Variants in SLC1A6 observed in about 807,000 individuals in gnomAD.
SLC1A6 encodes the protein solute carrier family 1 member 6.
In SLC1A6, 15 loss-of-function variants were observed where a neutral mutation model predicts 42.1. The observed-to-expected ratio is 0.36, with a 90% CI of 0.24 to 0.55. The LOEUF (loss-of-function observed/expected upper bound fraction) is 0.55. SLC1A6 is among the 20% of genes least tolerant of loss of function. The pLI, the probability that SLC1A6 is intolerant of heterozygous loss-of-function variation, is 0.88. For synonymous variants in SLC1A6, 317 were observed against 319.7 expected (o/e 0.99, Z 0.09); for missense variants, 542 against 772.5 (o/e 0.70, Z 3.54).
upstream of SLC1A6, among the ~76,000 whole-genome samples, chr19:14,983,398 G>A (rs2045777278): frequency 6.6e-6 from 1 of 151,982 alleles, no homozygotes; most frequent in Non-Finnish European, 1.5e-5. Context: ...AAGGTTGTGG[G>A]GTAGCTGGGT....
intron 1 of SLC1A6, chr19:14,977,595 C>A (rs547095932): frequency 1.1e-4 from 16 of 152,322 alleles, no homozygotes; most frequent in Admixed American, 7.8e-4. Flanking sequence ...GCCTGGGCAA[C>A]ATAGCCAGAC....
intron 1 of SLC1A6, among the ~76,000 whole-genome samples, chr19:15,007,885 T>C (rs1314148556): frequency 2.0e-5 from 3 of 151,650 alleles, no homozygotes; most frequent in African/African-American, 4.8e-5. Context: ...ATTAGCCGGG[T>C]GTGGTGACAC....
intron 1 of SLC1A6, chr19:14,974,942 A>G (rs1325927596): frequency 1.3e-5 from 2 of 151,598 alleles, no homozygotes; most frequent in African/African-American, 4.8e-5. Context: ...GGCTCAAGTG[A>G]TCCTCCCACC....
chr19:14,995,663 C>T (rs188486748), intron 1 of SLC1A6, among the ~76,000 whole-genome samples: 1 of 152,080 alleles, frequency 6.6e-6, no homozygotes. Context: ...TTATGCTATA[C>T]ATGATATACA....
At chr19:14,961,822 T>TA in intron 6 of SLC1A6, 180 bp downstream of exon 6, 2 of 835,802 alleles carry the variant, frequency 2.4e-6, no homozygotes, top group Non-Finnish European at 3.5e-6. Context: ...AACAAGGAAG[T>TA]CAACTAGTGA....
At position 14,954,364 on chromosome 19, in the gene SLC1A6, TG is replaced by T. The variant is rs746069797; in HGVS notation, c.1170-36del. 8 of 1,584,918 alleles carry T rather than the reference TG, an allele frequency of 5.0e-6. No homozygotes were observed. In the Admixed American group the frequency reaches 1.3e-4, roughly 27 times the overall value. ...AGAGCCCAGGACTGAGGATGGGGCGTGGCCTGGTGGGGGCGGGGCTGGGAAC... is the reference window on the plus strand; with the variant it reads ...AGAGCCCAGGACTGAGGATGGGGCGTGCCTGGTGGGGGCGGGGCTGGGAAC... On this transcript the variant is annotated intron_variant, in intron 7 of 9. Coordinates refer to ENST00000594383, the MANE Select transcript of SLC1A6 (RefSeq NM_005071.3).
upstream of SLC1A6, among the ~76,000 whole-genome samples, chr19:14,981,306 G>A (rs1009688665): frequency 1.3e-5 from 2 of 151,386 alleles, no homozygotes; most frequent in African/African-American, 2.4e-5. Flanking sequence ...AAAAAAAAAG[G>A]AAAGAAAAGA....
intron 1 of SLC1A6, among the ~76,000 whole-genome samples, chr19:14,987,735 G>A (rs928001646): frequency 1.3e-5 from 2 of 152,122 alleles, no homozygotes; most frequent in African/African-American, 4.8e-5. Flanking sequence ...TACATCATGA[G>A]TCTCCCCCAG....
intron 1 of SLC1A6, among the ~76,000 whole-genome samples, chr19:15,002,779 A>G (rs17297326): frequency 0.14 from 20,983 of 152,230 alleles, 1,543 homozygotes; most frequent in Non-Finnish European, 0.15. Context: ...TTCAAGTCAC[A>G]GAGGGCTGAC....
intron 5 of SLC1A6, 91 bp downstream of exon 5, chr19:14,964,228 C>T (rs1356816214): frequency 1.7e-5 from 18 of 1,072,316 alleles, no homozygotes; most frequent in Non-Finnish European, 2.6e-5. Flanking sequence ...CAGGCCCTTC[C>T]TCCCGCCTCT....
At chr19:14,980,730 C>T (rs1467921646), upstream of SLC1A6, among the ~76,000 whole-genome samples, 2 of 151,406 alleles carry the variant, frequency 1.3e-5, no homozygotes, top group African/African-American at 4.9e-5. Context: ...GTGTTGATGG[C>T]GACCTCCTGA....
chr19:14,955,666 G>A (rs765330185), intron 7 of SLC1A6, among the ~76,000 whole-genome samples: 5 of 151,794 alleles, frequency 3.3e-5, no homozygotes, highest in Non-Finnish European at 7.4e-5. Flanking sequence ...CGGGCGTGGC[G>A]GCTTACACAT....
Position 14,952,286 on chromosome 19 carries a change from AAT to A in SLC1A6, c.1499+640_1499+641del, listed in dbSNP as rs1266572295. ...AAAACATAATCTCAAAAAAAAAAAA[AAT>A]AACAAATCCCAGCACTTTGGGAGGC... On this transcript the variant is annotated intron_variant, in intron 9 of 9. Transcript: ENST00000594383. 4.6e-3 allele frequency among the ~76,000 whole-genome samples: 620 copies of A among 134,218 alleles called. 4 individuals are homozygous for A. Among genetic ancestry groups the A allele is most frequent in the Non-Finnish European group, 5.6e-3 (349 of 62,060 alleles). 88.1% of individuals were successfully genotyped at this position (134,218 alleles called of 152,430 possible). A position where few individuals can be genotyped will look rare whatever the true frequency, so the allele number is the denominator to read the frequency against.
chr19:14,990,576 C>A (rs2045814622), intron 1 of SLC1A6, among the ~76,000 whole-genome samples: 1 of 152,186 alleles, frequency 6.6e-6, no homozygotes, highest in Middle Eastern at 3.4e-3. Flanking sequence ...TCGAGACCAG[C>A]CTGACCAACG....
chr19:14,983,719 CAAAAAAAAAAAAAA>C (rs56657572), upstream of SLC1A6, among the ~76,000 whole-genome samples: 1 of 52,304 alleles, frequency 1.9e-5, no homozygotes, highest in Non-Finnish European at 3.6e-5. Context: ...ACAACAACAC[CAAAAAAAAAAAAAA>C]AAAAAAAAAG....
chr19:14,954,053 C>CACCACCCACCCCAA, intron 8 of SLC1A6, 82 bp downstream of exon 8: 1 of 1,083,668 alleles, frequency 9.2e-7, no homozygotes. Flanking sequence ...CTGAGGCCCC[C>CACCACCCACCCCAA]TCCTCCCTCC....
intron 1 of SLC1A6, among the ~76,000 whole-genome samples, chr19:15,004,978 G>T (rs1243819826): frequency 6.6e-6 from 1 of 152,186 alleles, no homozygotes; most frequent in Non-Finnish European, 1.5e-5. Context: ...TTCCAGACAG[G>T]CCAGGCACAG....
chr19:15,008,733 C>A (rs2045908483), intron 1 of SLC1A6, among the ~76,000 whole-genome samples: 1 of 151,992 alleles, frequency 6.6e-6, no homozygotes, highest in Non-Finnish European at 1.5e-5. Flanking sequence ...CCTGTAATCT[C>A]AGCATTTTGG....
chr19:14,996,633 G>A (rs569961079), intron 1 of SLC1A6, among the ~76,000 whole-genome samples: 1 of 146,686 alleles, frequency 6.8e-6, no homozygotes, highest in Non-Finnish European at 1.5e-5. Flanking sequence ...TGATTTTGAT[G>A]GTTTATTTTA....
Sources: allele counts gnomAD v4.1 joint callset (sites outside exome capture counted in the v4.1 genomes callset), GRCh38; gene constraint gnomAD v4.1.1; transcripts MANE v1.5; gene names NCBI Gene and HGNC (gene_info 2026-07-23, HGNC 2026-07-21).